The following SLX4 variants were observed in gnomAD, a reference collection of about 807,000 sequenced individuals.
SLX4 encodes structure-specific endonuclease subunit SLX4.
A neutral mutation model predicts 146.2 loss-of-function variants in SLX4; 112 were observed. The observed-to-expected ratio is 0.77, with a 90% confidence interval of 0.66 to 0.90. SLX4 has a LOEUF of 0.90. Ranked by LOEUF, SLX4 falls within the 40% of genes least tolerant of loss-of-function variation. SLX4 has a pLI of 0.00. For synonymous variants in SLX4, 1,061 were observed against 997.7 expected, an observed-to-expected ratio of 1.06 and a Z score of -1.20; for missense variants, 2,563 against 2,392.7, an observed-to-expected ratio of 1.07 and a Z score of -1.49.
rs748700450 is a variant in SLX4, at chr16:3,590,740, C to T, written c.2898G>A (p.Gln966=). The change falls in exon 12 of 15, where the codon CAG becomes CAA. Residue 966 remains glutamine (Q), a synonymous_variant. Coordinates refer to ENST00000294008, the MANE Select transcript of SLX4 (RefSeq NM_032444.4). This position sits in a 1 kb window ranked among gnomAD's most constrained non-coding sequence, Gnocchi z 4.8. ...SSCSSPSRDC[Q]AERKEGSLPH... is the part of the protein sequence containing the mutation. The stretch of plus-strand genomic sequence containing the variant: ...GAAGAGAGCCTTCTTTTCTCTCTGC[C>T]TGGCAGTCCCTGGAAGGGCTGGAGC... 8.1e-6 allele frequency: 13 copies of T among 1,614,018 alleles called. No individual in the cohort carries two copies. In the African/African-American group the frequency reaches 1.3e-4, roughly 17 times the overall value.
At position 3,607,877 on chromosome 16, in the gene SLX4, A is replaced by G. The variant is rs2040804716; in HGVS notation, c.535+553T>C. Among the ~76,000 whole-genome samples, 2 of 152,220 alleles carry G rather than the reference A, an allele frequency of 1.3e-5. 1 individual carries two copies. The highest frequency in any genetic ancestry group is 1.3e-4 in the Admixed American group (2 of 15,276). ...TTACCCACTTTGGAATAAATTCAAG[A>G]AAACAAGAGAAGCAGCATTATTGTG... On this transcript the variant is annotated intron_variant, in intron 2 of 14. Coordinates refer to ENST00000294008, the MANE Select transcript of SLX4 (RefSeq NM_032444.4).
intron 10 of SLX4, among the ~76,000 whole-genome samples, chr16:3,593,604 C>T (rs2040616346): frequency 6.6e-6 from 1 of 152,188 alleles, no homozygotes; most frequent in Non-Finnish European, 1.5e-5. Flanking sequence ...ACAGGTGAGG[C>T]CTAACACTCC....
Position 3,584,841 on chromosome 16 carries a change from G to C in SLX4, c.4667C>G (p.Pro1556Arg), listed in dbSNP as rs993431348. The change falls in exon 13 of 15, where the codon CCC becomes CGC. Residue 1556 changes from proline (P) to arginine (R), a missense_variant. Transcript: ENST00000294008. ...KGANRKKNLP[P>R]KVPITPMPQY... ...TGGCATCGGCGTTATGGGCACTTTG[G>C]GGGGCAAGTTCTTCTTCCGATTAGC... 3.7e-6 allele frequency: 6 copies of C among 1,614,038 alleles called. No individual in the cohort carries two copies. Among genetic ancestry groups the C allele is most frequent in the Non-Finnish European group, 5.1e-6 (6 of 1,179,908 alleles).
chr16:3,608,243 T>G (rs993532644), intron 2 of SLX4, among the ~76,000 whole-genome samples, 187 bp downstream of exon 2: 2 of 152,240 alleles, frequency 1.3e-5, no homozygotes, highest in African/African-American at 4.8e-5. Flanking sequence ...CCTGTTTTTG[T>G]AAATAAAGTT....
chr16:3,588,934 C>A, intron 12 of SLX4, 68 bp downstream of exon 12: 1 of 1,601,444 alleles, frequency 6.2e-7, no homozygotes, highest in Non-Finnish European at 8.5e-7. Context: ...CATGACTGAT[C>A]TTCCCACCCT....
chr16:3,602,239 C>G lies in SLX4; in HGVS notation c.829G>C (p.Ala277Pro), dbSNP rs1432828578. ...AVALTLQQEF[A>P]RVGASAHDDS... ...TCATGTGCCGATGCTCCTACCCGTG[C>G]AAACTCCTGCTGCAGGGTCAAGGCC... The change falls in exon 4 of 15, where the codon GCA (alanine) becomes CCA (proline). Residue 277 changes from alanine (A) to proline (P), a missense_variant. Ala to Pro is a conservative substitution (Grantham distance 27, BLOSUM62 -1). Coordinates refer to ENST00000294008, the MANE Select transcript of SLX4 (RefSeq NM_032444.4). 1.2e-6 allele frequency: 2 copies of G among 1,614,198 alleles called. No homozygotes were observed. The highest frequency in any genetic ancestry group is 8.5e-7 in the Non-Finnish European group (1 of 1,180,042).
intron 9 of SLX4, among the ~76,000 whole-genome samples, 169 bp from the exon 10 acceptor site, chr16:3,594,768 C>T (rs1238724697): frequency 6.6e-6 from 1 of 152,218 alleles, no homozygotes; most frequent in African/African-American, 2.4e-5. Context: ...CTCTGAGTGA[C>T]CCTAAGGCCC....
chr16:3,581,257 C>T lies in SLX4; in HGVS notation c.*1085G>A, dbSNP rs1326548479. On this transcript the variant is annotated 3_prime_UTR_variant, in exon 15 of 15. Transcript: ENST00000294008. ...TGTATTTGAAACAGACGAGGACATT[C>T]ACAAGGATGGAGAAACCAAGGTTTC... The T allele has an allele frequency of 2.0e-5, 3 of 152,666 alleles. No individual in the cohort carries two copies. The allele number at this position is 152,666 out of a possible 1,614,324, so 9.5% of individuals were successfully genotyped here. A position where few individuals can be genotyped will look rare whatever the true frequency, so the allele number is the denominator to read the frequency against.
rs750595662 is a variant in SLX4 at position 3,608,631 on chromosome 16, G to A, written c.334C>T (p.Pro112Ser). ...GTCCTAGGGGCCTGGCTGCCAGACG[G>A]AGGTTTCTTCTCTGCAGGGCCTTGA... ...TLQGPAEKKP[P>S]SGSQAPRTKK... Residue 112 changes from proline (P) to serine (S), a missense_variant, in exon 2 of 15, where the codon CCG becomes TCG. Transcript: ENST00000294008. 6.2e-7 allele frequency: 1 copy of A among 1,614,192 alleles called. No individual in the cohort carries two copies. The highest frequency in any genetic ancestry group is 8.5e-7 in the Non-Finnish European group (1 of 1,180,042).
In SLX4 at chr16:3,589,528, GCTGAAGTGGGCGCGGTCCC is replaced by G; in HGVS notation, c.4091_4109del (p.Gly1364AlafsTer5). 6.2e-7 allele frequency: 1 copy of G among 1,609,984 alleles called. No homozygotes were observed. Among genetic ancestry groups the G allele is most frequent in the Non-Finnish European group, 8.5e-7 (1 of 1,177,352 alleles). Reference sequence around the variant, plus strand: ...GCGGCGAGTGTTTCAGGAACCGCCTGCTGAAGTGGGCGCGGTCCCCTGAGATGGGATGTGGAGCCAGCGG... The same window carrying G: ...GCGGCGAGTGTTTCAGGAACCGCCTGCTGAGATGGGATGTGGAGCCAGCGG... On this transcript the variant is annotated frameshift_variant, in exon 12 of 15. Transcript: ENST00000294008. LOFTEE classifies it high-confidence loss of function. The surrounding 1 kb of genome is among the most constrained non-coding windows in gnomAD (Gnocchi z 6.2).
Position 3,589,828 on chromosome 16 carries a change from A to G in SLX4, c.3810T>C (p.Ser1270=), listed in dbSNP as rs563781078. Residue 1270 remains serine (S), a synonymous_variant, in exon 12 of 15, where the codon TCT becomes TCC. Transcript: ENST00000294008. The surrounding 1 kb of genome is among the most constrained non-coding windows in gnomAD (Gnocchi z 6.2). The part of the protein sequence containing the change: ...TPLASRSRDC[S]SQTQISSLRS... ...TGAGGCTGCTGATTTGGGTCTGGGA[A>G]GAACAGTCACGGCTTCTGCTGGCCA... 3 of 1,613,446 alleles carry G rather than the reference A, an allele frequency of 1.9e-6. No homozygotes were observed. The East Asian group carries it at 6.7e-5, about 36-fold the overall frequency.
Position 3,608,504 on chromosome 16 carries a change from C to G in SLX4, c.461G>C (p.Arg154Pro). The G allele has an allele frequency of 6.2e-7, 1 of 1,614,156 alleles. No homozygotes were observed. ...CGTCTGGGTGTTTTGTGCTGTTTCC[C>G]GGAGCACAGGTGGATCTGGAGCAGA... ...LASAPDPPVL[R>P]ETAQNTQTGN... The change falls in exon 2 of 15, where the codon CGG becomes CCG. Residue 154 changes from arginine (R) to proline (P), a missense_variant. By Grantham distance (103) the Arg-to-Pro change is moderately radical (BLOSUM62 -2). Coordinates refer to ENST00000294008, the MANE Select transcript of SLX4 (RefSeq NM_032444.4).
chr16:3,607,141 C>T (rs1032423879), intron 2 of SLX4, among the ~76,000 whole-genome samples: 14 of 152,154 alleles, frequency 9.2e-5, no homozygotes, highest in African/African-American at 2.2e-4. Context: ...TTGGGATCCA[C>T]GGATGATCTT....
rs772117762 is a variant in SLX4 at position 3,601,247 on chromosome 16, G to A, written c.951-56C>T. 837 of 1,565,680 alleles carry A rather than the reference G, an allele frequency of 5.3e-4. 1 individual carries two copies. The highest frequency in any genetic ancestry group is 6.5e-4 in the Non-Finnish European group (740 of 1,137,314). ...ACCCTCCCCAGGAATGTGGATTGGA[G>A]CAAATGTGGGTCCAGGTCAACACAG... On this transcript the variant is annotated intron_variant, in intron 4 of 14. Transcript: ENST00000294008.
At chr16:3,586,485 C>T (rs895410336) in intron 12 of SLX4, among the ~76,000 whole-genome samples, 1 of 152,084 alleles carries the variant, frequency 6.6e-6, no homozygotes, top group African/African-American at 2.4e-5. Context: ...TGCGCCACTG[C>T]ACTTCAGCCT....
intron 10 of SLX4, among the ~76,000 whole-genome samples, chr16:3,593,107 G>A (rs2040611967): frequency 6.6e-6 from 1 of 152,118 alleles, no homozygotes; most frequent in Non-Finnish European, 1.5e-5. Flanking sequence ...ATCTCTCTCT[G>A]TTGCCCAGGC....
At position 3,609,083 on chromosome 16, in the gene SLX4, A is replaced by G; in HGVS notation, c.-119T>C. 7.9e-7 allele frequency: 1 copy of G among 1,263,464 alleles called. No individual in the cohort carries two copies. Among genetic ancestry groups the G allele is most frequent in the Non-Finnish European group, 1.1e-6 (1 of 904,464 alleles). The allele number at this position is 1,263,464 out of a possible 1,614,324, so 78.3% of individuals were successfully genotyped here. A position where few individuals can be genotyped will look rare whatever the true frequency, so the allele number is the denominator to read the frequency against. ...TTTGTTCAAATTGGGCCTGTGGTTA[A>G]ACATGTTTAAAGCTTCCCTCTGTTA... On this transcript the variant is annotated 5_prime_UTR_variant, in exon 2 of 15. Coordinates refer to ENST00000294008, the MANE Select transcript of SLX4 (RefSeq NM_032444.4).
Position 3,590,051 on chromosome 16 carries a change from T to C in SLX4, c.3587A>G (p.Asp1196Gly), listed in dbSNP as rs557462990. 3 of 1,614,100 alleles carry C rather than the reference T, an allele frequency of 1.9e-6. No homozygotes were observed. The South Asian group carries it at 3.3e-5, about 18-fold the overall frequency. ...PRSCELFSII[D>G]VDADQEPSQS... ...GGAAGGTTCCTGATCTGCATCAACA[T>C]CAATGATGGAAAACAGCTCACAGGA... is the stretch of plus-strand genomic sequence containing the variant. The change falls in exon 12 of 15, where the codon GAT becomes GGT. Residue 1196 changes from aspartate (D) to glycine (G), a missense_variant. Asp to Gly is a moderately conservative substitution (Grantham distance 94, BLOSUM62 -1). Coordinates refer to ENST00000294008, the MANE Select transcript of SLX4 (RefSeq NM_032444.4). This position sits in a 1 kb window ranked among gnomAD's most constrained non-coding sequence, Gnocchi z 4.8.
In SLX4 at chr16:3,583,636, G is replaced by A. The variant is rs889845219; in HGVS notation, c.4740-126C>T. 40 of 1,014,272 alleles carry A rather than the reference G, an allele frequency of 3.9e-5. No individual in the cohort carries two copies. In the African/African-American group the frequency reaches 5.5e-4, roughly 14 times the overall value. The allele number at this position is 1,014,272 out of a possible 1,614,324, so 62.8% of individuals were successfully genotyped here. A position where few individuals can be genotyped will look rare whatever the true frequency, so the allele number is the denominator to read the frequency against. On this transcript the variant is annotated intron_variant, in intron 13 of 14. Transcript: ENST00000294008. Reference sequence around the variant, plus strand: ...ATGGCTTGTGTGACAAACCATAGATGCCTGACTTCTGTGAGCATCAGAGGT... The same window carrying A: ...ATGGCTTGTGTGACAAACCATAGATACCTGACTTCTGTGAGCATCAGAGGT...
Sources: allele counts gnomAD v4.1 joint callset (sites outside exome capture counted in the v4.1 genomes callset), GRCh38; gene constraint gnomAD v4.1.1; non-coding constraint Gnocchi (gnomAD v3.1); transcripts MANE v1.5; gene names NCBI Gene and HGNC (gene_info 2026-07-23, HGNC 2026-07-21).